The following DGKG variants were observed in gnomAD, a reference collection of about 807,000 sequenced individuals.
DGKG encodes the protein diacylglycerol kinase gamma.
DGKG carries 78 observed loss-of-function variants against 105.3 expected under a neutral mutation model. The observed-to-expected ratio is 0.74, with a 90% confidence interval of 0.62 to 0.89. DGKG has a LOEUF of 0.89. Among genes scored for constraint, DGKG ranks in the 40% least tolerant of loss-of-function variants. DGKG has a pLI of 0.00. For synonymous variants in DGKG, 346 were observed against 367.1 expected (o/e 0.94, Z 0.66); for missense variants, 958 against 1,020.1 (o/e 0.94, Z 0.83).
intron 21 of DGKG, 63 bp from the exon 22 acceptor site, chr3:186,188,442 C>CTG: frequency 6.6e-7 from 1 of 1,526,416 alleles, no homozygotes; most frequent in Non-Finnish European, 8.9e-7. Flanking sequence ...CCAAGGTGCT[C>CTG]TGTGTGTGTG....
rs1482295565 is a variant in DGKG at position 186,231,244 on chromosome 3, C to G, written c.1826+11260G>C. ...GGGCCCTTTAATCATATCTATGGCTCTTTTCTAGTCTTTTTTTGGGTGCAT... is the reference window on the plus strand; with the variant it reads ...GGGCCCTTTAATCATATCTATGGCTGTTTTCTAGTCTTTTTTTGGGTGCAT... On this transcript the variant is annotated intron_variant, in intron 20 of 24. Coordinates refer to ENST00000265022, the MANE Select transcript of DGKG (RefSeq NM_001346.3). This position sits in a 1 kb window ranked among gnomAD's most constrained non-coding sequence, Gnocchi z 4.5. 6.6e-6 allele frequency among the ~76,000 whole-genome samples: 1 copy of G among 152,110 alleles called. No individual in the cohort carries two copies. Among genetic ancestry groups the G allele is most frequent in the Non-Finnish European group, 1.5e-5 (1 of 68,026 alleles).
At position 186,268,800 on chromosome 3, in the gene DGKG, C is replaced by G; in HGVS notation, c.1116+1G>C. 1 of 1,609,646 alleles carries G rather than the reference C, an allele frequency of 6.2e-7. No homozygotes were observed. The highest frequency in any genetic ancestry group is 8.5e-7 in the Non-Finnish European group (1 of 1,176,678). On this transcript the variant is annotated splice_donor_variant, in intron 12 of 24. Coordinates refer to ENST00000265022, the MANE Select transcript of DGKG (RefSeq NM_001346.3). LOFTEE classifies it high-confidence loss of function. ...CAGGGCCGCCCTGGGCGCCAACCCA[C>G]CGTCATCCGGCACCACACGCAGTGC...
chr3:186,287,834 A>G (rs1176517463), intron 6 of DGKG, among the ~76,000 whole-genome samples: 1 of 152,208 alleles, frequency 6.6e-6, no homozygotes, highest in Non-Finnish European at 1.5e-5. Flanking sequence ...CTTATGTTTA[A>G]GTTTTGTTGA....
rs148288594 is a variant in DGKG, at chr3:186,244,623, C to G, written c.1762-2055G>C. On this transcript the variant is annotated intron_variant, in intron 19 of 24. Transcript: ENST00000265022. ...GTTTCACCATGTTGGCCAGGCTGGT[C>G]TCAAAACTCCTGGCCTCAGGTGATC... 3.0e-3 allele frequency among the ~76,000 whole-genome samples: 458 copies of G among 152,190 alleles called. 3 individuals carry two copies. The highest frequency in any genetic ancestry group is 0.011 in the African/African-American group (439 of 41,524).
intron 21 of DGKG, among the ~76,000 whole-genome samples, chr3:186,196,717 A>G (rs1440402282): frequency 6.6e-6 from 1 of 152,224 alleles, no homozygotes; most frequent in Non-Finnish European, 1.5e-5. Context: ...GGAAAGCAAC[A>G]TGGGACATTA....
At chr3:186,272,411 C>T in intron 10 of DGKG, 68 bp from the exon 11 acceptor site, 1 of 1,157,348 alleles carries the variant, frequency 8.6e-7, no homozygotes, top group Non-Finnish European at 1.3e-6. Flanking sequence ...GCTGCCCTCC[C>T]ACCCTAGCCA....
intron 12 of DGKG, 97 bp from the exon 13 acceptor site, chr3:186,267,874 G>C: frequency 9.2e-7 from 1 of 1,092,696 alleles, no homozygotes; most frequent in East Asian, 2.4e-5. Flanking sequence ...GCTGTCTAGT[G>C]CTCCCCCAAA....
At chr3:186,315,047 T>G (rs1303687811) in intron 2 of DGKG, among the ~76,000 whole-genome samples, 1 of 152,056 alleles carries the variant, frequency 6.6e-6, no homozygotes, top group Non-Finnish European at 1.5e-5. Context: ...CCCTCTGCGG[T>G]AGAAATCTAT....
chr3:186,200,664 A>C (rs896089587), intron 21 of DGKG, among the ~76,000 whole-genome samples: 3 of 152,032 alleles, frequency 2.0e-5, no homozygotes, highest in African/African-American at 7.2e-5. Context: ...CTGACCCCCC[A>C]CTTCCACCTA....
At chr3:186,197,796 T>C (rs2268848) in intron 21 of DGKG, among the ~76,000 whole-genome samples, 73,914 of 152,038 alleles carry the variant, frequency 0.49, 20,851 homozygotes, top group East Asian at 0.74. Flanking sequence ...TGTTTTCTGC[T>C]GTACACGCTG....
chr3:186,258,796 CTG>C (rs1721604356), intron 16 of DGKG, among the ~76,000 whole-genome samples: 1 of 152,142 alleles, frequency 6.6e-6, no homozygotes. Flanking sequence ...GTTTTAATAA[CTG>C]TTTTTTGATA....
chr3:186,330,866 T>A (rs1329061670), intron 1 of DGKG, among the ~76,000 whole-genome samples: 1 of 152,222 alleles, frequency 6.6e-6, no homozygotes. Context: ...CAGAAACACA[T>A]AGACGAATAA....
At chr3:186,340,037 C>T (rs559585811) in intron 1 of DGKG, among the ~76,000 whole-genome samples, 17 of 152,324 alleles carry the variant, frequency 1.1e-4, no homozygotes, top group South Asian at 2.1e-4. Context: ...GATGTTAATT[C>T]CCTTCCCTTC....
intron 22 of DGKG, among the ~76,000 whole-genome samples, chr3:186,183,872 T>C (rs532190744): frequency 1.2e-3 from 187 of 152,154 alleles, no homozygotes; most frequent in Non-Finnish European, 2.3e-3. Context: ...ACCCGGCTAA[T>C]TTTGTATTTT....
At chr3:186,155,775 G>A (rs539317402) in intron 24 of DGKG, among the ~76,000 whole-genome samples, 51 of 152,302 alleles carry the variant, frequency 3.3e-4, no homozygotes, top group African/African-American at 1.1e-3. Flanking sequence ...TTGCCTCACT[G>A]TATGAGTGTC....
intron 1 of DGKG, among the ~76,000 whole-genome samples, chr3:186,360,734 G>A (rs73885860): frequency 1.9e-3 from 283 of 152,308 alleles, no homozygotes; most frequent in African/African-American, 6.4e-3. Context: ...AGAATCCCAA[G>A]CACCAAAATA....
chr3:186,309,853 GATAT>G (rs1175898237), intron 2 of DGKG, among the ~76,000 whole-genome samples: 2 of 151,866 alleles, frequency 1.3e-5, no homozygotes, highest in East Asian at 1.9e-4. Flanking sequence ...TTAAATGTGT[GATAT>G]ATATACACAC....
intron 19 of DGKG, among the ~76,000 whole-genome samples, 179 bp downstream of exon 19, chr3:186,251,580 C>A (rs1037597527): frequency 6.6e-6 from 1 of 152,000 alleles, no homozygotes; most frequent in South Asian, 2.1e-4. Flanking sequence ...GGGAATAAAG[C>A]GGGGGTGCAA....
At chr3:186,185,101 G>A (rs1185189453) in intron 22 of DGKG, among the ~76,000 whole-genome samples, 1 of 152,202 alleles carries the variant, frequency 6.6e-6, no homozygotes, top group Non-Finnish European at 1.5e-5. Flanking sequence ...TCACACACTA[G>A]CGACAGGCAG....
Sources: gnomAD v4.1 joint callset for allele counts (sites outside exome capture counted in the v4.1 genomes callset) on GRCh38, gnomAD v4.1.1 for gene constraint, Gnocchi (gnomAD v3.1) non-coding constraint, MANE v1.5 for transcripts, NCBI Gene and HGNC (gene_info 2026-07-23, HGNC 2026-07-21) for gene names.